GRM8: variants seen among roughly 807,000 people sequenced by gnomAD.
GRM8 encodes glutamate metabotropic receptor 8.
A neutral mutation model predicts 87.2 loss-of-function variants in GRM8; 47 were observed. The observed-to-expected ratio is 0.54, with a 90% CI of 0.43 to 0.69. The LOEUF (loss-of-function observed/expected upper bound fraction) is 0.69. Ranked by LOEUF, GRM8 falls within the 30% of genes least tolerant of loss-of-function variation. The probability of loss-of-function intolerance (pLI) is 0.00; values close to 1 mark genes in which losing one functional copy is unlikely to be tolerated. For missense variants in GRM8, 1,019 were observed against 1,139.2 expected (o/e 0.89, Z 1.52); for synonymous variants, 396 against 404.5 (o/e 0.98, Z 0.25).
chr7:126,739,416 A>G (rs1451105530), intron 7 of GRM8, among the ~76,000 whole-genome samples: 1 of 152,020 alleles, frequency 6.6e-6, no homozygotes, highest in East Asian at 1.9e-4. Context: ...GCACACACAC[A>G]CACACACACA....
At chr7:127,233,052 G>C (rs996737144) in intron 2 of GRM8, among the ~76,000 whole-genome samples, 1 of 151,960 alleles carries the variant, frequency 6.6e-6, no homozygotes, top group Non-Finnish European at 1.5e-5. Flanking sequence ...GGCTTGTCTT[G>C]AACTCCTGAC....
intron 7 of GRM8, among the ~76,000 whole-genome samples, chr7:126,715,191 A>G (rs1811588613): frequency 6.6e-6 from 1 of 152,252 alleles, no homozygotes; most frequent in Non-Finnish European, 1.5e-5. Context: ...ACGTTGACAC[A>G]TCACTTTTTA....
At chr7:127,250,556 T>C (rs929353058) in intron 1 of GRM8, among the ~76,000 whole-genome samples, 1 of 151,950 alleles carries the variant, frequency 6.6e-6, no homozygotes, top group African/African-American at 2.4e-5. Flanking sequence ...GTACAACCTG[T>C]AGTTGACTCT....
chr7:127,160,936 C>G (rs1368174171), intron 2 of GRM8, among the ~76,000 whole-genome samples: 2 of 152,066 alleles, frequency 1.3e-5, no homozygotes, highest in Admixed American at 1.3e-4. Context: ...AAAAGCAGAG[C>G]CTGAGTGGTC....
intron 7 of GRM8, among the ~76,000 whole-genome samples, chr7:126,637,148 A>G (rs1801942169): frequency 6.6e-6 from 1 of 152,172 alleles, no homozygotes; most frequent in Non-Finnish European, 1.5e-5. Context: ...GCTAGCATGC[A>G]TGTGAAAATG....
intron 6 of GRM8, among the ~76,000 whole-genome samples, chr7:126,794,482 G>T (rs1821743584): frequency 6.6e-6 from 1 of 152,102 alleles, no homozygotes; most frequent in Non-Finnish European, 1.5e-5. Flanking sequence ...CCTAAGAAAT[G>T]ATAGCAAACA....
chr7:126,575,371 T>C (rs1795023358), intron 8 of GRM8, among the ~76,000 whole-genome samples: 1 of 151,938 alleles, frequency 6.6e-6, no homozygotes, highest in Non-Finnish European at 1.5e-5. Flanking sequence ...CCACTGATTC[T>C]ACATTATGGT....
chr7:126,984,813 G>C (rs373509890), intron 3 of GRM8, among the ~76,000 whole-genome samples: 12 of 152,000 alleles, frequency 7.9e-5, no homozygotes, highest in African/African-American at 2.4e-4. Flanking sequence ...GCCTTGAAAA[G>C]ATAACCCTAA....
At chr7:126,539,700 A>G (rs1280072017) in intron 8 of GRM8, among the ~76,000 whole-genome samples, 1 of 152,038 alleles carries the variant, frequency 6.6e-6, no homozygotes, top group African/African-American at 2.4e-5. Flanking sequence ...AAAATTCAAT[A>G]AAGAATTTTT....
intron 8 of GRM8, among the ~76,000 whole-genome samples, chr7:126,534,802 T>C (rs1397153882): frequency 6.6e-6 from 1 of 152,212 alleles, no homozygotes; most frequent in South Asian, 2.1e-4. Context: ...AAATTACAGA[T>C]GACGGGAGAC....
At chr7:126,564,051 C>T (rs1182226943) in intron 8 of GRM8, among the ~76,000 whole-genome samples, 1 of 152,162 alleles carries the variant, frequency 6.6e-6, no homozygotes, top group Admixed American at 6.5e-5. Context: ...GCTACCAGAA[C>T]CCTTTGGAGA....
At chr7:126,666,934 T>C (rs922263235) in intron 7 of GRM8, among the ~76,000 whole-genome samples, 1 of 152,152 alleles carries the variant, frequency 6.6e-6, no homozygotes, top group African/African-American at 2.4e-5. Flanking sequence ...CCATTGGGGA[T>C]ATTACATAAT....
chr7:126,567,237 A>G (rs969827453), intron 8 of GRM8, among the ~76,000 whole-genome samples: 8 of 152,154 alleles, frequency 5.3e-5, no homozygotes, highest in Non-Finnish European at 1.0e-4. Context: ...ATAAAAAATG[A>G]TGAGTTCATG....
chr7:126,479,149 G>A (rs28496988), intron 9 of GRM8, among the ~76,000 whole-genome samples: 1 of 151,976 alleles, frequency 6.6e-6, no homozygotes, highest in Non-Finnish European at 1.5e-5. Context: ...TTCTTCACAA[G>A]CAAATGAAAT....
At chr7:127,088,163 T>TGA (rs1823699215) in intron 3 of GRM8, among the ~76,000 whole-genome samples, 1 of 152,206 alleles carries the variant, frequency 6.6e-6, no homozygotes, top group African/African-American at 2.4e-5. Flanking sequence ...GACCCATTAG[T>TGA]GAGAAGTCCT....
chr7:126,764,735 T>C (rs1298588882), intron 7 of GRM8, among the ~76,000 whole-genome samples: 1 of 152,122 alleles, frequency 6.6e-6, no homozygotes, highest in African/African-American at 2.4e-5. Flanking sequence ...GGGAAGCTGC[T>C]TTCTTCCTCT....
At chr7:126,661,941 T>A (rs1805226225) in intron 7 of GRM8, among the ~76,000 whole-genome samples, 1 of 152,196 alleles carries the variant, frequency 6.6e-6, no homozygotes, top group Non-Finnish European at 1.5e-5. Context: ...TATTTAATGA[T>A]TCTATAACTG....
intron 3 of GRM8, among the ~76,000 whole-genome samples, chr7:126,949,239 T>C (rs1259284019): frequency 6.6e-6 from 1 of 152,164 alleles, no homozygotes; most frequent in Middle Eastern, 3.2e-3. Flanking sequence ...ACCTGAGACA[T>C]GGTCCTAAAA....
At chr7:126,454,219 T>C (rs183123173) in intron 9 of GRM8, among the ~76,000 whole-genome samples, 15 of 151,878 alleles carry the variant, frequency 9.9e-5, no homozygotes, top group Admixed American at 4.6e-4. Flanking sequence ...CTGTCTATAG[T>C]TCTAGAAGCC....
Sources: allele counts gnomAD v4.1 joint callset (sites outside exome capture counted in the v4.1 genomes callset), GRCh38; gene constraint gnomAD v4.1.1; transcripts MANE v1.5; gene names NCBI Gene and HGNC (gene_info 2026-07-23, HGNC 2026-07-21).